The following CHRDL2 variants were observed in gnomAD, a reference collection of about 807,000 sequenced individuals.
The protein encoded by CHRDL2 is chordin like 2.
A neutral mutation model predicts 54.3 loss-of-function variants in CHRDL2; 41 were observed. That is an observed-to-expected ratio of 0.76 (90% confidence interval 0.59 to 0.98). CHRDL2 has a LOEUF of 0.98. Among genes scored for constraint, CHRDL2 ranks in the 50% least tolerant of loss-of-function variants. The pLI is 0.00. For synonymous variants in CHRDL2, 220 were observed against 224.3 expected (o/e 0.98, Z 0.17); for missense variants, 518 against 562.4 (o/e 0.92, Z 0.80).
chr11:74,719,235 A>C (rs2034445908), intron 1 of CHRDL2: 1 of 167,980 alleles, frequency 6.0e-6, no homozygotes, highest in African/African-American at 2.4e-5. Flanking sequence ...CGATGACAGC[A>C]CCAGTCTCCT....
At chr11:74,718,585 A>G (rs2135270571) in intron 2 of CHRDL2, 135 bp downstream of exon 2, 1 of 632,082 alleles carries the variant, frequency 1.6e-6, no homozygotes, top group East Asian at 2.8e-5. Context: ...TCAGTAGTGA[A>G]GTGGCTTGTC....
At chr11:74,727,309 T>G (rs995657043) in intron 1 of CHRDL2, among the ~76,000 whole-genome samples, 1 of 152,220 alleles carries the variant, frequency 6.6e-6, no homozygotes, top group Non-Finnish European at 1.5e-5. Context: ...CGGAGCTCCC[T>G]TCCTGTCCCA....
In CHRDL2 at chr11:74,730,928, CGGGA is replaced by C. The variant is rs2135283721; in HGVS notation, c.-44_-41del. On this transcript the variant is annotated 5_prime_UTR_variant, in exon 1 of 11. Coordinates refer to ENST00000376332, the MANE Select transcript of CHRDL2 (RefSeq NM_001278473.3). ...CAGGCCGCTGGTCCGGGAGCGGAGT[CGGGA>C]GGAAGGGAGACGAAAAGGACACGGA... 6.5e-7 allele frequency: 1 copy of C among 1,550,212 alleles called. No individual in the cohort carries two copies. The highest frequency in any genetic ancestry group is 2.3e-5 in the East Asian group (1 of 43,350).
In CHRDL2 at chr11:74,704,611, C is replaced by G. The variant is rs1187741095; in HGVS notation, c.626G>C (p.Arg209Thr). Reference protein sequence around the residue: ...DPCSSDAGRKRGPGTPAPTGL... With the variant: ...DPCSSDAGRKTGPGTPAPTGL... ...AGTGGGGGCTGGGGTGCCCGGGCCT[C>G]TCTTTCTCCCAGCATCACTGGAACA... The change falls in exon 7 of 11, where the codon AGA becomes ACA. Residue 209 changes from arginine (R) to threonine (T), a missense_variant. Physicochemically the swap from Arg to Thr is moderately conservative, Grantham distance 71. Coordinates refer to ENST00000376332, the MANE Select transcript of CHRDL2 (RefSeq NM_001278473.3). 4 of 1,603,934 alleles carry G rather than the reference C, an allele frequency of 2.5e-6. No homozygotes were observed. In the Admixed American group the frequency reaches 6.9e-5, roughly 28 times the overall value.
At position 74,697,520 on chromosome 11, in the gene CHRDL2, A is replaced by C. The variant is rs1266206498; in HGVS notation, c.1121-223T>G. On this transcript the variant is annotated intron_variant, in intron 9 of 10. Coordinates refer to ENST00000376332, the MANE Select transcript of CHRDL2 (RefSeq NM_001278473.3). ...AGGCCCCTGTTGTCTTGTCTGGGTC[A>C]CTACACTAGAGTCCTAACCCCTTTC... The C allele has an allele frequency of 8.7e-6, 5 of 574,726 alleles. No individual in the cohort carries two copies. In the African/African-American group the frequency reaches 9.3e-5, roughly 11 times the overall value. The allele number at this position is 574,726 out of a possible 1,614,324, so 35.6% of individuals were successfully genotyped here.
intron 1 of CHRDL2, among the ~76,000 whole-genome samples, chr11:74,721,075 C>CCCAGCAAG (rs2034490620): frequency 6.6e-6 from 1 of 152,214 alleles, no homozygotes. Flanking sequence ...CTCTCACATT[C>CCCAGCAAG]CCAGCAAGCC....
At chr11:74,705,359 GCCTATTACCT>G (rs1032446165) in intron 6 of CHRDL2, among the ~76,000 whole-genome samples, 1 of 152,164 alleles carries the variant, frequency 6.6e-6, no homozygotes, top group African/African-American at 2.4e-5. Flanking sequence ...AGGGACCAGA[GCCTATTACCT>G]CCCTCGCTGA....
intron 9 of CHRDL2, chr11:74,698,573 T>G (rs1304030810): frequency 6.6e-6 from 1 of 152,010 alleles, no homozygotes; most frequent in East Asian, 1.9e-4. Flanking sequence ...CCCAGAGGGC[T>G]CTCCTCTCTG....
At chr11:74,721,482 C>A (rs2135274938) in intron 1 of CHRDL2, among the ~76,000 whole-genome samples, 1 of 152,356 alleles carries the variant, frequency 6.6e-6, no homozygotes, top group South Asian at 2.1e-4. Flanking sequence ...ATGTGGGGGG[C>A]CTGGCAGGAG....
At chr11:74,704,403 T>A in intron 7 of CHRDL2, 83 bp downstream of exon 7, 1 of 1,361,100 alleles carries the variant, frequency 7.3e-7, no homozygotes, top group Non-Finnish European at 1.0e-6. Context: ...GAGGAGAGGG[T>A]TCAGGGGGTT....
Position 74,702,948 on chromosome 11 carries a change from G to C in CHRDL2, c.966C>G (p.Gly322=), listed in dbSNP as rs139879437. 1.9e-6 allele frequency: 3 copies of C among 1,613,156 alleles called. No homozygotes were observed. Among genetic ancestry groups the C allele is most frequent in the Non-Finnish European group, 2.5e-6 (3 of 1,179,506 alleles). ...ACCTGGTAGAACTGATCTCACTGTG[G>C]CCAGGGTCTGCTTTGTCCTCTGGAG... ...KICPEDKADP[G]HSEISSTRCP... Residue 322 remains glycine, a synonymous_variant, in exon 9 of 11, where the codon GGC becomes GGG. Transcript: ENST00000376332.
chr11:74,707,593 C>A lies in CHRDL2; in HGVS notation c.526+709G>T, dbSNP rs112751977. On this transcript the variant is annotated intron_variant, in intron 5 of 10. Transcript: ENST00000376332. ...CTGCCGTCAGGAAGGCAGGATGAGA[C>A]GTAGTCCTTACCTGTACTAGACCCC... Among the ~76,000 whole-genome samples the A allele has an allele frequency of 6.6e-5, 10 of 152,254 alleles. No individual in the cohort carries two copies. The East Asian group carries it at 1.7e-3, about 26-fold the overall frequency.
At chr11:74,708,519 C>A in intron 4 of CHRDL2, 124 bp from the exon 5 acceptor site, 1 of 684,418 alleles carries the variant, frequency 1.5e-6, no homozygotes, top group Admixed American at 3.7e-5. Context: ...GGAGGGGAAG[C>A]AACAGCATCT....
intron 1 of CHRDL2, among the ~76,000 whole-genome samples, chr11:74,723,680 A>G (rs2034530727): frequency 6.6e-6 from 1 of 152,196 alleles, no homozygotes; most frequent in Non-Finnish European, 1.5e-5. Flanking sequence ...TGATCTGATC[A>G]CTGAGACAGC....
At chr11:74,697,953 G>A (rs2033657405) in intron 9 of CHRDL2, among the ~76,000 whole-genome samples, 1 of 152,144 alleles carries the variant, frequency 6.6e-6, no homozygotes, top group African/African-American at 2.4e-5. Context: ...TGGCTTGCCT[G>A]TGCCCTAGCC....
At chr11:74,713,325 A>G in intron 3 of CHRDL2, 61 bp downstream of exon 3, 1 of 1,442,128 alleles carries the variant, frequency 6.9e-7, no homozygotes, top group East Asian at 2.3e-5. Flanking sequence ...CCTCAGCTAG[A>G]GGGCTACACT....
intron 9 of CHRDL2, 43 bp from the exon 10 acceptor site, chr11:74,697,340 TAC>T (rs767589582): frequency 1.4e-6 from 2 of 1,427,672 alleles, no homozygotes; most frequent in African/African-American, 1.4e-5. Context: ...GGCAAAAACC[TAC>T]AGTCGGTGAA....
chr11:74,696,726 C>T (rs577759486), intron 10 of CHRDL2, 141 bp from the exon 11 acceptor site: 12 of 655,716 alleles, frequency 1.8e-5, no homozygotes, highest in African/African-American at 7.2e-5. Context: ...AGCCTGGAGG[C>T]GAGTGTGCCA....
rs115181475 is a variant in CHRDL2, at chr11:74,699,813, T to C, written c.1121-2516A>G. Among the ~76,000 whole-genome samples, 503 of 152,292 alleles carry C rather than the reference T, an allele frequency of 3.3e-3. 1 individual carries two copies. The highest frequency in any genetic ancestry group is 0.012 in the African/African-American group (483 of 41,566). ...GTTCCCACTGACAATCAACCCTGGG[T>C]AGTGTTTGTTTTAACTCCCACGGTC... On this transcript the variant is annotated intron_variant, in intron 9 of 10. Coordinates refer to ENST00000376332, the MANE Select transcript of CHRDL2 (RefSeq NM_001278473.3).
Sources: allele counts gnomAD v4.1 joint callset (sites outside exome capture counted in the v4.1 genomes callset), GRCh38; gene constraint gnomAD v4.1.1; transcripts MANE v1.5; gene names NCBI Gene and HGNC (gene_info 2026-07-23, HGNC 2026-07-21).